The following CNNM3 variants were observed in gnomAD, a reference collection of about 807,000 sequenced individuals.
The protein encoded by CNNM3 is cyclin and CBS domain divalent metal cation transport mediator 3, also known as metal transporter CNNM3.
Under a neutral mutation model 57.1 loss-of-function variants are expected in CNNM3, and 47 were observed. That is an observed-to-expected ratio of 0.82 (90% CI 0.65 to 1.05). The LOEUF (loss-of-function observed/expected upper bound fraction) is 1.05, where lower values mean the gene tolerates loss of function less well. Ranked by LOEUF, CNNM3 falls within the 50% of genes least tolerant of loss-of-function variation. The pLI, the probability that CNNM3 is intolerant of heterozygous loss-of-function variation, is 0.00. For missense variants in CNNM3, 957 were observed against 973.7 expected, an observed-to-expected ratio of 0.98 and a Z score of 0.23; for synonymous variants, 507 against 478.2, an observed-to-expected ratio of 1.06 and a Z score of -0.79.
chr2:96,827,979 G>C, intron 4 of CNNM3, 79 bp downstream of exon 4: 3 of 1,573,882 alleles, frequency 1.9e-6, no homozygotes, highest in Non-Finnish European at 2.6e-6. Context: ...GGGAGCAGGG[G>C]CATGCGGATA....
chr2:96,837,054 G>T (rs1275917325), downstream of CNNM3: 1 of 152,196 alleles, frequency 6.6e-6, no homozygotes, highest in Admixed American at 6.5e-5. Flanking sequence ...TTCCCGTGAT[G>T]ATCTCGGCTC....
chr2:96,828,181 CTG>C lies in CNNM3; in HGVS notation c.1775_1776del (p.Val592AlafsTer18), dbSNP rs2079541763. ...ACGTACTATGGAGTGTCGGCCCTAA[CTG>C]TGCCATCCTCGGGTAAGCCACGGCC... On this transcript the variant is annotated frameshift_variant, in exon 5 of 8. Transcript: ENST00000305510. LOFTEE classifies it high-confidence loss of function. The C allele has an allele frequency of 1.2e-6, 2 of 1,613,880 alleles. No individual in the cohort carries two copies.
chr2:96,836,239 ATTTTTTT>A (rs761750199), downstream of CNNM3, among the ~76,000 whole-genome samples: 1 of 126,562 alleles, frequency 7.9e-6, no homozygotes, highest in Non-Finnish European at 1.6e-5. Flanking sequence ...CACCCAGCTA[ATTTTTTT>A]TTTTTTTTTT....
chr2:96,820,895 G>T (rs1176802653), intron 1 of CNNM3, among the ~76,000 whole-genome samples: 1 of 152,172 alleles, frequency 6.6e-6, no homozygotes, highest in Non-Finnish European at 1.5e-5. Context: ...AGCTAGGAAG[G>T]AAATTAGAGA....
At chr2:96,818,603 T>C (rs2079360778) in intron 1 of CNNM3, among the ~76,000 whole-genome samples, 1 of 152,116 alleles carries the variant, frequency 6.6e-6, no homozygotes, top group African/African-American at 2.4e-5. Context: ...AACTCCACAT[T>C]TTCATCCCTC....
intron 1 of CNNM3, among the ~76,000 whole-genome samples, chr2:96,823,262 G>A (rs2079438262): frequency 6.6e-6 from 1 of 152,214 alleles, no homozygotes; most frequent in South Asian, 2.1e-4. Flanking sequence ...GTCCCTTTCT[G>A]TAGGAAACCT....
Position 96,835,038 on chromosome 2 carries a change from A to G in CNNM3, c.*2422A>G, listed in dbSNP as rs78381888. Among the ~76,000 whole-genome samples the G allele has an allele frequency of 0.13, 19,751 of 152,186 alleles. 2,221 individuals carry two copies. Among genetic ancestry groups the G allele is most frequent in the Non-Finnish European group, 0.18 (12,274 of 68,000 alleles). ...AGTCCAAATCATTTGTCACATGTAC[A>G]TCTGTGTAACTACCACTGCAATCAG... On this transcript the variant is annotated 3_prime_UTR_variant, in exon 8 of 8. Coordinates refer to ENST00000305510, the MANE Select transcript of CNNM3 (RefSeq NM_017623.5).
chr2:96,827,616 C>G (rs2079530846), intron 3 of CNNM3, 115 bp from the exon 4 acceptor site: 2 of 1,087,104 alleles, frequency 1.8e-6, no homozygotes. Flanking sequence ...TGCTCACAGG[C>G]CACCCGGGAG....
rs891970322 is a variant in CNNM3, at chr2:96,832,678, T to C, written c.*62T>C. On this transcript the variant is annotated 3_prime_UTR_variant, in exon 8 of 8. Transcript: ENST00000305510. ...GAGCACGTGGGGAGCTGGAGTGAGC[T>C]GAGCAGAAGTTTTGTGCCCGCCTGC... is the stretch of plus-strand genomic sequence containing the variant. 3.7e-6 allele frequency: 6 copies of C among 1,603,066 alleles called. No homozygotes were observed. The highest frequency in any genetic ancestry group is 2.5e-6 in the Non-Finnish European group (3 of 1,177,944).
At chr2:96,836,081 TCC>T (rs61415815), downstream of CNNM3, among the ~76,000 whole-genome samples, 2 of 113,826 alleles carry the variant, frequency 1.8e-5, no homozygotes, top group Non-Finnish European at 3.5e-5. Context: ...CCCCTCCCCC[TCC>T]CCCCCTTTTT....
At chr2:96,823,758 T>C (rs2079447676) in intron 1 of CNNM3, among the ~76,000 whole-genome samples, 1 of 152,144 alleles carries the variant, frequency 6.6e-6, no homozygotes, top group Non-Finnish European at 1.5e-5. Context: ...TCCAGGCCAG[T>C]TACCCCTCAG....
rs751646993 is a variant in CNNM3 at position 96,832,658 on chromosome 2, C to A, written c.*42C>A. 1 of 1,609,564 alleles carries A rather than the reference C, an allele frequency of 6.2e-7. No individual in the cohort carries two copies. The highest frequency in any genetic ancestry group is 8.5e-7 in the Non-Finnish European group (1 of 1,179,862). ...CCCAGATCTGGGGAACAGATGAGCA[C>A]GTGGGGAGCTGGAGTGAGCTGAGCA... On this transcript the variant is annotated 3_prime_UTR_variant, in exon 8 of 8. Coordinates refer to ENST00000305510, the MANE Select transcript of CNNM3 (RefSeq NM_017623.5).
chr2:96,825,754 A>G (rs1332469764), intron 2 of CNNM3, among the ~76,000 whole-genome samples: 1 of 152,210 alleles, frequency 6.6e-6, no homozygotes, highest in East Asian at 1.9e-4. Flanking sequence ...TACAAACATT[A>G]GCTGGGCGTG....
At chr2:96,822,008 T>TTA (rs1421579723) in intron 1 of CNNM3, among the ~76,000 whole-genome samples, 11,463 of 141,828 alleles carry the variant, frequency 0.081, 505 homozygotes, top group African/African-American at 0.13. Flanking sequence ...TATTATTATT[T>TTA]TTTTTTTTTT....
chr2:96,819,760 A>C (rs928519750), intron 1 of CNNM3, among the ~76,000 whole-genome samples: 1 of 152,176 alleles, frequency 6.6e-6, no homozygotes, highest in Non-Finnish European at 1.5e-5. Context: ...GATTTGGAGC[A>C]GCGGAGATGG....
At chr2:96,832,503 G>T (rs748288776) in intron 7 of CNNM3, 49 bp from the exon 8 acceptor site, 1 of 1,612,636 alleles carries the variant, frequency 6.2e-7, no homozygotes. Context: ...GTTTTGACAG[G>T]ATACTTTACC....
In CNNM3 at chr2:96,816,392, G is replaced by A. The variant is rs1456986978; in HGVS notation, c.115G>A (p.Glu39Lys). The change falls in exon 1 of 8, where the codon GAG (glutamate) becomes AAG (lysine). Residue 39 changes from glutamate to lysine, a missense_variant. Coordinates refer to ENST00000305510, the MANE Select transcript of CNNM3 (RefSeq NM_017623.5). ...PGPRVLGFCLEEDGAAGAGWV... is the reference protein window; with the variant it reads ...PGPRVLGFCLKEDGAAGAGWV... ...CCCGCGAGTGCTGGGCTTCTGCCTG[G>A]AGGAGGATGGAGCGGCGGGCGCGGG... The A allele has an allele frequency of 3.6e-6, 5 of 1,370,604 alleles. No individual in the cohort carries two copies. The highest frequency in any genetic ancestry group is 3.8e-5 in the Admixed American group (1 of 25,980). 84.9% of individuals were successfully genotyped at this position (1,370,604 alleles called of 1,614,324 possible).
chr2:96,818,126 G>T (rs1391179236), intron 1 of CNNM3, among the ~76,000 whole-genome samples: 1 of 152,112 alleles, frequency 6.6e-6, no homozygotes, highest in African/African-American at 2.4e-5. Context: ...CAGCTCTGTC[G>T]CGCAGGCTGG....
At chr2:96,819,945 C>T (rs2079382128) in intron 1 of CNNM3, among the ~76,000 whole-genome samples, 1 of 152,140 alleles carries the variant, frequency 6.6e-6, no homozygotes, top group Non-Finnish European at 1.5e-5. Flanking sequence ...TTGGGGATTC[C>T]ACTTGGGGAA....
Sources: gnomAD v4.1 joint callset for allele counts (sites outside exome capture counted in the v4.1 genomes callset) on GRCh38, gnomAD v4.1.1 for gene constraint, MANE v1.5 for transcripts, NCBI Gene and HGNC (gene_info 2026-07-23, HGNC 2026-07-21) for gene names.